Variants in ZCWPW2 observed in about 807,000 individuals in gnomAD.
ZCWPW2 encodes zinc finger CW-type PWWP domain protein 2.
A neutral mutation model predicts 46.6 loss-of-function variants in ZCWPW2; 45 were observed. That is an observed-to-expected ratio of 0.96 (90% confidence interval 0.76 to 1.24). The LOEUF (loss-of-function observed/expected upper bound fraction) is 1.24, where lower values mean the gene tolerates loss of function less well. Among genes scored for constraint, ZCWPW2 ranks in the 50% most tolerant of loss-of-function variants. The probability of loss-of-function intolerance (pLI) is 0.00; values close to 1 mark genes in which losing one functional copy is unlikely to be tolerated. For synonymous variants in ZCWPW2, 152 were observed against 137.1 expected, an observed-to-expected ratio of 1.11 and a Z score of -0.76; for missense variants, 429 against 403.9, an observed-to-expected ratio of 1.06 and a Z score of -0.53.
intron 5 of ZCWPW2, among the ~76,000 whole-genome samples, chr3:28,480,945 A>T (rs1007748402): frequency 6.8e-6 from 1 of 147,086 alleles, no homozygotes; most frequent in African/African-American, 2.5e-5. Flanking sequence ...AGCTCACTGC[A>T]AGCTCCACCT....
chr3:28,492,087 A>T, intron 5 of ZCWPW2, 40 bp from the exon 6 acceptor site: 1 of 1,594,656 alleles, frequency 6.3e-7, no homozygotes, highest in Non-Finnish European at 8.6e-7. Context: ...ACAGGAACAT[A>T]GGCACTTTTT....
At chr3:28,388,398 A>G (rs1175107107) in intron 1 of ZCWPW2, among the ~76,000 whole-genome samples, 2 of 152,176 alleles carry the variant, frequency 1.3e-5, no homozygotes, top group Non-Finnish European at 1.5e-5. Context: ...AGACTCTAAC[A>G]AGATCGTACT....
At chr3:28,517,521 G>C (rs1297259858) in intron 8 of ZCWPW2, among the ~76,000 whole-genome samples, 1 of 152,072 alleles carries the variant, frequency 6.6e-6, no homozygotes, top group Non-Finnish European at 1.5e-5. Context: ...ACTATCACCA[G>C]GACAGTACCA....
At chr3:28,379,935 G>C (rs1405423942) in intron 1 of ZCWPW2, among the ~76,000 whole-genome samples, 1 of 151,856 alleles carries the variant, frequency 6.6e-6, no homozygotes, top group Admixed American at 6.6e-5. Flanking sequence ...CATTAAGTAA[G>C]TCAAGTTTAT....
chr3:28,461,205 T>C (rs1698620211), intron 4 of ZCWPW2: 2 of 158,896 alleles, frequency 1.3e-5, no homozygotes, highest in Non-Finnish European at 2.8e-5. Flanking sequence ...GATATTTGAA[T>C]TGATAATTTT....
chr3:28,349,028 G>T lies in ZCWPW2; in HGVS notation c.-309G>T, dbSNP rs1452030691. ...CGCGGGCTCGGCGCCAGGGACGCGC[G>T]AGGAAACCGGAAGTCAGGCCCGAGG... On this transcript the variant is annotated 5_prime_UTR_variant, in exon 1 of 10. An upstream open reading frame in the 5' UTR gains an earlier in-frame stop. Coordinates refer to ENST00000383768, the MANE Select transcript of ZCWPW2 (RefSeq NM_001040432.4). The T allele has an allele frequency of 5.1e-6, 5 of 985,934 alleles. No individual in the cohort carries two copies. The South Asian group carries it at 2.3e-4, about 46-fold the overall frequency. 61.1% of individuals were successfully genotyped at this position (985,934 alleles called of 1,614,324 possible).
At chr3:28,442,543 T>C (rs1057221527) in intron 4 of ZCWPW2, among the ~76,000 whole-genome samples, 2 of 152,202 alleles carry the variant, frequency 1.3e-5, no homozygotes, top group African/African-American at 2.4e-5. Flanking sequence ...TGATATACCC[T>C]TGAGGTGCGA....
intron 3 of ZCWPW2, among the ~76,000 whole-genome samples, chr3:28,414,143 G>A (rs1696533234): frequency 6.6e-6 from 1 of 151,674 alleles, no homozygotes; most frequent in Non-Finnish European, 1.5e-5. Flanking sequence ...TATTACTTAT[G>A]GTGGCTATTT....
intron 1 of ZCWPW2, among the ~76,000 whole-genome samples, chr3:28,374,484 A>G (rs1376400756): frequency 6.6e-6 from 1 of 152,062 alleles, no homozygotes; most frequent in Non-Finnish European, 1.5e-5. Flanking sequence ...TATAAATGTT[A>G]GGTTTACTTT....
chr3:28,436,190 A>G (rs943684296), intron 4 of ZCWPW2, among the ~76,000 whole-genome samples: 2 of 152,200 alleles, frequency 1.3e-5, no homozygotes, highest in African/African-American at 4.8e-5. Context: ...GTATAAATCA[A>G]TTAAATGATC....
At chr3:28,435,803 A>G (rs1375182554) in intron 4 of ZCWPW2, among the ~76,000 whole-genome samples, 1 of 152,054 alleles carries the variant, frequency 6.6e-6, no homozygotes, top group Non-Finnish European at 1.5e-5. Context: ...TTATTTTTCT[A>G]ATGGTAATAT....
In ZCWPW2 at chr3:28,349,134, C is replaced by G. The variant is rs1340074913; in HGVS notation, c.-203C>G. The G allele has an allele frequency of 6.1e-6, 6 of 985,598 alleles. No homozygotes were observed. The highest frequency in any genetic ancestry group is 7.2e-6 in the Non-Finnish European group (6 of 830,142). The allele number at this position is 985,598 out of a possible 1,614,324, so 61.1% of individuals were successfully genotyped here. On this transcript the variant is annotated 5_prime_UTR_variant, in exon 1 of 10. Transcript: ENST00000383768. ...GAGTGGCGCGCGGCGTACTACATGT[C>G]CCGTGAGCCTCCGCGGCGGGACGGG...
chr3:28,371,012 G>A (rs1009882531), intron 1 of ZCWPW2, among the ~76,000 whole-genome samples: 2 of 151,824 alleles, frequency 1.3e-5, no homozygotes, highest in African/African-American at 4.8e-5. Flanking sequence ...GATTACAGGT[G>A]TGAACCACCA....
intron 6 of ZCWPW2, among the ~76,000 whole-genome samples, chr3:28,497,813 CT>C (rs1389632560): frequency 6.6e-6 from 1 of 152,020 alleles, no homozygotes; most frequent in Non-Finnish European, 1.5e-5. Context: ...ACTTAACTCC[CT>C]TTTTTAGCTC....
intron 1 of ZCWPW2, among the ~76,000 whole-genome samples, chr3:28,388,163 C>T (rs1038444586): frequency 6.6e-5 from 10 of 152,050 alleles, no homozygotes; most frequent in Non-Finnish European, 1.3e-4. Flanking sequence ...TGGATGACGC[C>T]CACCTACATT....
chr3:28,431,894 C>G (rs773242314), intron 3 of ZCWPW2, among the ~76,000 whole-genome samples: 6 of 152,030 alleles, frequency 3.9e-5, no homozygotes, highest in African/African-American at 7.3e-5. Context: ...GGGGAGGCCT[C>G]CAGGAACTTA....
At chr3:28,486,480 A>T (rs1484072004) in intron 5 of ZCWPW2, among the ~76,000 whole-genome samples, 1 of 151,886 alleles carries the variant, frequency 6.6e-6, no homozygotes, top group East Asian at 1.9e-4. Flanking sequence ...TCTTGGAAGA[A>T]CTTCTTTTAG....
chr3:28,478,429 A>G lies in ZCWPW2; in HGVS notation c.493-385A>G, dbSNP rs1282585647. The G allele has an allele frequency of 3.0e-5, 5 of 169,004 alleles. No homozygotes were observed. The Admixed American group carries it at 3.1e-4, about 11-fold the overall frequency. 10.5% of individuals were successfully genotyped at this position (169,004 alleles called of 1,614,324 possible). ...CCTGCCAAATTAATTTTCTTCTAAT[A>G]AGAAACTTGATTTTCAATTTGTACC... On this transcript the variant is annotated intron_variant, in intron 4 of 9. Transcript: ENST00000383768.
At chr3:28,502,911 T>C (rs554720900) in intron 6 of ZCWPW2, among the ~76,000 whole-genome samples, 13 of 152,266 alleles carry the variant, frequency 8.5e-5, no homozygotes, top group African/African-American at 3.1e-4. Flanking sequence ...GGTTTATCTA[T>C]CTGTGATTTT....
Sources: gnomAD v4.1 joint callset for allele counts (sites outside exome capture counted in the v4.1 genomes callset) on GRCh38, gnomAD v4.1.1 for gene constraint, MANE v1.5 for transcripts, NCBI Gene and HGNC (gene_info 2026-07-23, HGNC 2026-07-21) for gene names.